The following LPP variants were observed in gnomAD, a reference collection of about 807,000 sequenced individuals.
LPP encodes LIM domain containing preferred translocation partner in lipoma.
Under a neutral mutation model 60.4 loss-of-function variants are expected in LPP, and 38 were observed. The observed-to-expected ratio is 0.63, with a 90% CI of 0.49 to 0.83. The LOEUF is 0.83. LPP is among the 40% of genes least tolerant of loss of function. LPP has a pLI of 0.00. For synonymous variants in LPP, 328 were observed against 290.8 expected (o/e 1.13, Z -1.30); for missense variants, 902 against 783.6 (o/e 1.15, Z -1.80).
chr3:188,669,783 A>G (rs545617010), intron 7 of LPP, among the ~76,000 whole-genome samples: 5 of 152,136 alleles, frequency 3.3e-5, no homozygotes, highest in Non-Finnish European at 5.9e-5. Flanking sequence ...AAATCATGCT[A>G]CTATAAAGAC....
intron 2 of LPP, among the ~76,000 whole-genome samples, chr3:188,341,219 T>C (rs1762964564): frequency 6.6e-6 from 1 of 152,208 alleles, no homozygotes; most frequent in African/African-American, 2.4e-5. Context: ...CCTAGCCTAA[T>C]AACCTAGGAA....
chr3:188,423,258 G>A (rs1410742835), intron 4 of LPP, among the ~76,000 whole-genome samples: 1 of 152,088 alleles, frequency 6.6e-6, no homozygotes, highest in Admixed American at 6.6e-5. Context: ...CTTCATCCAT[G>A]TCCCTGCAAA....
chr3:188,653,501 A>G (rs1580715530), intron 7 of LPP, among the ~76,000 whole-genome samples: 1 of 152,190 alleles, frequency 6.6e-6, no homozygotes, highest in Non-Finnish European at 1.5e-5. Flanking sequence ...TGAGTTCTAA[A>G]CAGATGAGTT....
intron 2 of LPP, among the ~76,000 whole-genome samples, chr3:188,302,747 T>A (rs1560220928): frequency 1.3e-5 from 2 of 152,230 alleles, no homozygotes; most frequent in African/African-American, 4.8e-5. Context: ...TATTGTAATA[T>A]ATTTTGCCAG....
At chr3:188,855,315 TA>T (rs1763563545) in intron 9 of LPP, among the ~76,000 whole-genome samples, 1 of 152,224 alleles carries the variant, frequency 6.6e-6, no homozygotes, top group African/African-American at 2.4e-5. Flanking sequence ...TGTTATGTCT[TA>T]AGCGCTGCCG....
intron 9 of LPP, among the ~76,000 whole-genome samples, chr3:188,794,124 T>C (rs1744636142): frequency 6.6e-6 from 1 of 152,240 alleles, no homozygotes; most frequent in Non-Finnish European, 1.5e-5. Flanking sequence ...ATAATTTGTA[T>C]TGACAGTTGA....
At chr3:188,429,309 T>C (rs1288410887) in intron 4 of LPP, among the ~76,000 whole-genome samples, 5 of 152,078 alleles carry the variant, frequency 3.3e-5, no homozygotes, top group African/African-American at 1.2e-4. Context: ...GCAGAGAAAA[T>C]GCACCTTAAA....
Position 188,546,562 on chromosome 3 carries a change from C to A in LPP, c.429+21775C>A, listed in dbSNP as rs1231712652. Among the ~76,000 whole-genome samples the A allele has an allele frequency of 2.0e-5, 3 of 152,158 alleles. No homozygotes were observed. The East Asian group carries it at 5.8e-4, about 29-fold the overall frequency. On this transcript the variant is annotated intron_variant, in intron 6 of 11. Coordinates refer to ENST00000617246, the MANE Select transcript of LPP (RefSeq NM_001375462.1). ...GTTTATATTGGCCTTAATGATTTTG[C>A]CTTTAATTTAATAAGACATATGGGA...
At chr3:188,197,040 C>A (rs1729734756) in intron 1 of LPP, among the ~76,000 whole-genome samples, 1 of 152,164 alleles carries the variant, frequency 6.6e-6, no homozygotes, top group Non-Finnish European at 1.5e-5. Context: ...ATTTCTGTAT[C>A]TTCAAATCAA....
At chr3:188,414,128 A>G (rs556899225) in intron 4 of LPP, among the ~76,000 whole-genome samples, 1 of 152,266 alleles carries the variant, frequency 6.6e-6, no homozygotes, top group South Asian at 2.1e-4. Context: ...AATAAAAATA[A>G]CATTATTAAT....
At chr3:188,854,442 C>T (rs1293495599) in intron 9 of LPP, among the ~76,000 whole-genome samples, 1 of 150,972 alleles carries the variant, frequency 6.6e-6, no homozygotes, top group Non-Finnish European at 1.5e-5. Context: ...GCAGTGCCCT[C>T]TTCGGAAGGG....
At chr3:188,708,087 A>C (rs1687830889) in intron 7 of LPP, among the ~76,000 whole-genome samples, 180 bp from the exon 8 acceptor site, 1 of 152,216 alleles carries the variant, frequency 6.6e-6, no homozygotes, top group Admixed American at 6.5e-5. Context: ...CAAATGAGTA[A>C]AGAGATGTGT....
chr3:188,206,237 T>C (rs1733176185), intron 1 of LPP, among the ~76,000 whole-genome samples: 1 of 150,394 alleles, frequency 6.6e-6, no homozygotes, highest in South Asian at 2.1e-4. Flanking sequence ...AGATCTTGGC[T>C]CTTGGCGCAC....
At chr3:188,838,885 G>C (rs778273353) in intron 9 of LPP, among the ~76,000 whole-genome samples, 1 of 152,144 alleles carries the variant, frequency 6.6e-6, no homozygotes, top group African/African-American at 2.4e-5. Context: ...AGGAGAAGGA[G>C]AGGATTAGGA....
chr3:188,176,845 T>C (rs899364175), intron 1 of LPP, among the ~76,000 whole-genome samples: 1 of 152,194 alleles, frequency 6.6e-6, no homozygotes, highest in African/African-American at 2.4e-5. Context: ...AGCAGTATGA[T>C]AGAGAGAGAC....
At chr3:188,252,534 T>C (rs902403259) in intron 2 of LPP, among the ~76,000 whole-genome samples, 1 of 152,066 alleles carries the variant, frequency 6.6e-6, no homozygotes, top group African/African-American at 2.4e-5. Context: ...TGAGGTACTT[T>C]AGTTACCAAA....
At position 188,319,040 on chromosome 3, in the gene LPP, G is replaced by A. The variant is rs186677335; in HGVS notation, c.-66-22623G>A. On this transcript the variant is annotated intron_variant, in intron 2 of 11. Transcript: ENST00000617246. Reference sequence around the variant, plus strand: ...CCCAAAGTGCTGGGATTACAGGCGTGAGCCACCGCGCCCGGCCAAAAATTA... The same window carrying A: ...CCCAAAGTGCTGGGATTACAGGCGTAAGCCACCGCGCCCGGCCAAAAATTA... 4.7e-3 allele frequency among the ~76,000 whole-genome samples: 721 copies of A among 152,216 alleles called. 3 individuals carry two copies. Among genetic ancestry groups the A allele is most frequent in the Non-Finnish European group, 7.3e-3 (497 of 68,006 alleles).
chr3:188,331,307 C>G (rs1760013189), intron 2 of LPP, among the ~76,000 whole-genome samples: 2 of 152,174 alleles, frequency 1.3e-5, no homozygotes, highest in Non-Finnish European at 2.9e-5. Context: ...CAATGTCCAT[C>G]TTTTAATGCA....
chr3:188,576,539 A>G (rs1338679328), intron 6 of LPP, among the ~76,000 whole-genome samples: 2 of 152,180 alleles, frequency 1.3e-5, no homozygotes, highest in African/African-American at 4.8e-5. Flanking sequence ...GGTTCTGAGT[A>G]CAGGATTCCT....
Sources: allele counts gnomAD v4.1 joint callset (sites outside exome capture counted in the v4.1 genomes callset), GRCh38; gene constraint gnomAD v4.1.1; transcripts MANE v1.5; gene names NCBI Gene and HGNC (gene_info 2026-07-23, HGNC 2026-07-21).